The following ADD2 variants were observed in gnomAD, a reference collection of about 807,000 sequenced individuals.
ADD2 encodes adducin 2.
In ADD2, 23 loss-of-function variants were observed where a neutral mutation model predicts 83.0. The observed-to-expected ratio is 0.28, with a 90% CI of 0.20 to 0.39. The LOEUF (loss-of-function observed/expected upper bound fraction) is 0.39, where lower values mean the gene tolerates loss of function less well. Ranked by LOEUF, ADD2 falls within the 10% of genes least tolerant of loss-of-function variation. The pLI is 1.00. For synonymous variants in ADD2, 375 were observed against 375.4 expected (o/e 1.00, Z 0.01); for missense variants, 758 against 944.9 (o/e 0.80, Z 2.59).
intron 15 of ADD2, among the ~76,000 whole-genome samples, chr2:70,672,501 C>T (rs1669935838): frequency 1.3e-5 from 2 of 152,322 alleles, no homozygotes; most frequent in South Asian, 4.1e-4. Context: ...TCTTAGGCCA[C>T]ATCCCAGACT....
chr2:70,767,166 G>A (rs1450934281), intron 1 of ADD2, among the ~76,000 whole-genome samples: 1 of 152,202 alleles, frequency 6.6e-6, no homozygotes, highest in African/African-American at 2.4e-5. Flanking sequence ...CCCGCCTCCG[G>A]GACCGGGGAT....
chr2:70,704,271 C>CCCCCCCCCCCCCCCCCCG, intron 4 of ADD2, 50 bp downstream of exon 4: 1 of 1,279,030 alleles, frequency 7.8e-7, no homozygotes, highest in Non-Finnish European at 1.1e-6. Flanking sequence ...CTTCCCCACC[C>CCCCCCCCCCCCCCCCCCG]CACCCTCCCC....
intron 1 of ADD2, among the ~76,000 whole-genome samples, chr2:70,753,391 A>C (rs1553383276): frequency 6.6e-6 from 1 of 152,180 alleles, no homozygotes; most frequent in African/African-American, 2.4e-5. Flanking sequence ...CAACTCTTTC[A>C]AGGAGAACAT....
intron 13 of ADD2, chr2:70,675,615 T>A: frequency 2.0e-6 from 2 of 985,444 alleles, no homozygotes; most frequent in Non-Finnish European, 2.4e-6. Context: ...CCTTTGAGGA[T>A]GCAGTGCTCT....
chr2:70,690,883 A>G lies in ADD2; in HGVS notation c.752T>C (p.Leu251Pro). ...ATAATAGGCCATGTCCCCCACCAGCAGGGCATTGTGGGAGACAGGCAGGAG... is the reference window on the plus strand; with the variant it reads ...ATAATAGGCCATGTCCCCCACCAGCGGGGCATTGTGGGAGACAGGCAGGAG... ...WGLLPVSHNA[L>P]LVGDMAYYDF... Residue 251 changes from leucine to proline, a missense_variant, in exon 8 of 16, where the codon CTG (leucine) becomes CCG (proline). By Grantham distance (98) the Leu-to-Pro change is moderately conservative. Coordinates refer to ENST00000264436, the MANE Select transcript of ADD2 (RefSeq NM_001617.4). 1 of 1,614,082 alleles carries G rather than the reference A, an allele frequency of 6.2e-7. No homozygotes were observed. Among genetic ancestry groups the G allele is most frequent in the Non-Finnish European group, 8.5e-7 (1 of 1,179,994 alleles).
At chr2:70,664,479 C>T (rs1244209585) in intron 15 of ADD2, among the ~76,000 whole-genome samples, 1 of 152,198 alleles carries the variant, frequency 6.6e-6, no homozygotes, top group African/African-American at 2.4e-5. Flanking sequence ...ACCTTGCTTC[C>T]ACACAACCTT....
At chr2:70,730,905 G>T (rs533165787) in intron 1 of ADD2, among the ~76,000 whole-genome samples, 7 of 152,314 alleles carry the variant, frequency 4.6e-5, no homozygotes, top group African/African-American at 1.7e-4. Flanking sequence ...TGTGTAACAG[G>T]CTAGGTTTGT....
chr2:70,706,397 C>A lies in ADD2; in HGVS notation c.12G>T (p.Glu4Asp). The change falls in exon 3 of 16, where the codon GAG (glutamate) becomes GAT (aspartate). Residue 4 changes from glutamate (E) to aspartate (D), a missense_variant. Coordinates refer to ENST00000264436, the MANE Select transcript of ADD2 (RefSeq NM_001617.4). This position sits in a 1 kb window ranked among gnomAD's most constrained non-coding sequence, Gnocchi z 5.0. MSEETVPEAASPPP... is the reference protein window; with the variant it reads MSEDTVPEAASPPP... ...GCGGCGAGGCAGCCTCGGGGACCGT[C>A]TCTTCGCTCATTTTCCCGGTGGGTT... The A allele has an allele frequency of 4.4e-6, 7 of 1,606,650 alleles. No individual in the cohort carries two copies. Among genetic ancestry groups the A allele is most frequent in the Non-Finnish European group, 5.9e-6 (7 of 1,176,844 alleles).
chr2:70,697,948 A>G (rs1197796847), intron 4 of ADD2, among the ~76,000 whole-genome samples: 1 of 152,238 alleles, frequency 6.6e-6, no homozygotes, highest in Non-Finnish European at 1.5e-5. Flanking sequence ...TAGCAGGGAC[A>G]GCAGTGGTCC....
intron 9 of ADD2, among the ~76,000 whole-genome samples, chr2:70,685,223 A>G (rs1366587979): frequency 1.3e-5 from 2 of 152,212 alleles, no homozygotes; most frequent in African/African-American, 2.4e-5. Context: ...AAAAAATCCA[A>G]TTTAACCTGC....
chr2:70,669,353 A>T (rs1009081623), intron 15 of ADD2, among the ~76,000 whole-genome samples: 1 of 152,248 alleles, frequency 6.6e-6, no homozygotes, highest in East Asian at 1.9e-4. Context: ...GAGATTTTTA[A>T]CAAGTCCCCA....
chr2:70,725,100 A>G (rs972289881), intron 1 of ADD2, among the ~76,000 whole-genome samples: 2 of 152,200 alleles, frequency 1.3e-5, no homozygotes, highest in Non-Finnish European at 2.9e-5. Context: ...AGGGTTACCG[A>G]ACCACCCTGT....
chr2:70,697,031 C>T (rs543135027), intron 4 of ADD2, among the ~76,000 whole-genome samples: 50 of 152,224 alleles, frequency 3.3e-4, no homozygotes, highest in Admixed American at 7.2e-4. Flanking sequence ...TGGTGGCACG[C>T]GCCTGTAATA....
Position 70,665,810 on chromosome 2 carries a change from G to GTTTTTT in ADD2, c.1871-2081_1871-2076dup, listed in dbSNP as rs879978891. The stretch of plus-strand genomic sequence containing the variant: ...CAGCATCTGCAAAACGATCACACTT[G>GTTTTTT]TTTTTTTGTTTTTTTTTTTTTCCCG... On this transcript the variant is annotated intron_variant, in intron 15 of 15. Coordinates refer to ENST00000264436, the MANE Select transcript of ADD2 (RefSeq NM_001617.4). 4.4e-5 allele frequency among the ~76,000 whole-genome samples: 6 copies of GTTTTTT among 135,782 alleles called. 1 individual carries two copies. Among genetic ancestry groups the GTTTTTT allele is most frequent in the African/African-American group, 8.8e-5 (3 of 34,062 alleles). 89.1% of individuals were successfully genotyped at this position (135,782 alleles called of 152,430 possible). A position where few individuals can be genotyped will look rare whatever the true frequency, so the allele number is the denominator to read the frequency against.
At chr2:70,730,468 G>A (rs557798978) in intron 1 of ADD2, among the ~76,000 whole-genome samples, 5 of 152,336 alleles carry the variant, frequency 3.3e-5, no homozygotes, top group African/African-American at 9.6e-5. Flanking sequence ...TCCTGTGTTT[G>A]CAGGACAAAA....
At chr2:70,673,991 C>T (rs1670017610) in intron 14 of ADD2, among the ~76,000 whole-genome samples, 1 of 152,150 alleles carries the variant, frequency 6.6e-6, no homozygotes, top group Non-Finnish European at 1.5e-5. Context: ...GAGTGTCAGT[C>T]TAGCCCAGTG....
chr2:70,700,607 C>A (rs2104362736), intron 4 of ADD2, among the ~76,000 whole-genome samples: 1 of 151,942 alleles, frequency 6.6e-6, no homozygotes, highest in East Asian at 1.9e-4. Flanking sequence ...ACTAATGAAT[C>A]AGGAAGCAGA....
In ADD2 at chr2:70,661,270, GCT is replaced by G. The variant is rs1356259264; in HGVS notation, c.*2153_*2154del. 5 of 152,164 alleles carry G rather than the reference GCT, an allele frequency of 3.3e-5. No homozygotes were observed. Among genetic ancestry groups the G allele is most frequent in the Admixed American group, 6.5e-5 (1 of 15,280 alleles). 9.4% of individuals were successfully genotyped at this position (152,164 alleles called of 1,614,324 possible). A position where few individuals can be genotyped will look rare whatever the true frequency, so the allele number is the denominator to read the frequency against. On this transcript the variant is annotated 3_prime_UTR_variant, in exon 16 of 16. Transcript: ENST00000264436. ...ACTTATTATTCTAGTCATAATGATG[GCT>G]CTCTTTCAACGTCAGCATAATGCCT...
intron 2 of ADD2, among the ~76,000 whole-genome samples, chr2:70,712,448 AAAAT>A (rs1161335131): frequency 1.5e-5 from 2 of 137,884 alleles, no homozygotes; most frequent in South Asian, 4.4e-4. Context: ...TGTCTCAAAA[AAAAT>A]AAATAAATAA....
Sources: gnomAD v4.1 joint callset for allele counts (sites outside exome capture counted in the v4.1 genomes callset) on GRCh38, gnomAD v4.1.1 for gene constraint, Gnocchi (gnomAD v3.1) non-coding constraint, MANE v1.5 for transcripts, NCBI Gene and HGNC (gene_info 2026-07-23, HGNC 2026-07-21) for gene names.